The following SLCO4A1 variants were observed in gnomAD, a reference collection of about 807,000 sequenced individuals.
SLCO4A1 encodes the protein solute carrier organic anion transporter family member 4A1, also known as colon organic anion transporter.
A neutral mutation model predicts 64.6 loss-of-function variants in SLCO4A1; 51 were observed. The ratio of observed to expected loss-of-function variants is 0.79; its 90% CI spans 0.63 to 1.00. The LOEUF (loss-of-function observed/expected upper bound fraction) is 1.00, where lower values mean the gene tolerates loss of function less well. Among genes scored for constraint, SLCO4A1 ranks in the 50% least tolerant of loss-of-function variants. SLCO4A1 has a pLI of 0.00. For synonymous variants in SLCO4A1, 471 were observed against 444.9 expected (o/e 1.06, Z -0.74); for missense variants, 919 against 980.5 (o/e 0.94, Z 0.84).
At position 62,669,220 on chromosome 20, in the gene SLCO4A1, C is replaced by A. The variant is rs923227965; in HGVS notation, c.2025+142C>A. On this transcript the variant is annotated intron_variant, in intron 11 of 11. Transcript: ENST00000217159. ...CAGCCAGTTTGTAGAAGGCCCTTCCCACATTCCTCATGAGTTGGTTGTGGG... is the reference window on the plus strand; with the variant it reads ...CAGCCAGTTTGTAGAAGGCCCTTCCAACATTCCTCATGAGTTGGTTGTGGG... 16 of 831,422 alleles carry A rather than the reference C, an allele frequency of 1.9e-5. 1 individual carries two copies. The highest frequency in any genetic ancestry group is 1.5e-4 in the South Asian group (9 of 60,652). 51.5% of individuals were successfully genotyped at this position (831,422 alleles called of 1,614,324 possible).
chr20:62,680,570 T>G (rs1330123440), intron 2 of SLCO4A1, among the ~76,000 whole-genome samples: 5 of 27,008 alleles, frequency 1.9e-4, no homozygotes, highest in Admixed American at 3.2e-4. Context: ...TTGCTGATGG[T>G]TTTTTTTTTT....
chr20:62,690,151 C>T (rs544536355), downstream of SLCO4A1, among the ~76,000 whole-genome samples: 3 of 152,350 alleles, frequency 2.0e-5, no homozygotes, highest in East Asian at 3.9e-4. Flanking sequence ...TCCCTCGCAT[C>T]GGCCACCTCT....
At chr20:62,680,333 G>A (rs1987769880) in intron 2 of SLCO4A1, among the ~76,000 whole-genome samples, 1 of 152,120 alleles carries the variant, frequency 6.6e-6, no homozygotes, top group African/African-American at 2.4e-5. Flanking sequence ...CTTCCTCTCC[G>A]ACCTATATTC....
At position 62,667,749 on chromosome 20, in the gene SLCO4A1, C is replaced by T; in HGVS notation, c.1477C>T (p.Leu493=). The T allele has an allele frequency of 3.7e-6, 6 of 1,607,340 alleles. No homozygotes were observed. The highest frequency in any genetic ancestry group is 5.1e-6 in the Non-Finnish European group (6 of 1,176,942). Residue 493 remains leucine (L), a synonymous_variant, in exon 8 of 12, where the codon CTG becomes TTG. Transcript: ENST00000217159. ...GVTASYGGSL[L]PEGHLNLTAP... is the part of the protein sequence containing the mutation. Reference sequence around the variant, plus strand: ...TCGCTTGTCCCCCCTCTGCAGCCTCCTGCCCGAAGGCCACCTGAACCTAAC... The same window carrying T: ...TCGCTTGTCCCCCCTCTGCAGCCTCTTGCCCGAAGGCCACCTGAACCTAAC...
chr20:62,668,654 C>T, intron 10 of SLCO4A1, 113 bp downstream of exon 10: 1 of 1,083,232 alleles, frequency 9.2e-7, no homozygotes. Context: ...GAGGCTGTTC[C>T]CGCCTGGGAA....
At chr20:62,653,603 G>A (rs1246748655) in intron 1 of SLCO4A1, among the ~76,000 whole-genome samples, 2 of 152,132 alleles carry the variant, frequency 1.3e-5, no homozygotes, top group Non-Finnish European at 2.9e-5. Flanking sequence ...GCTCCCACCC[G>A]CCACGCTGAC....
chr20:62,685,221 G>T lies in SLCO4A1; in HGVS notation n.212-220G>T, dbSNP rs2147118617. Among the ~76,000 whole-genome samples, 1 of 150,466 alleles carries T rather than the reference G, an allele frequency of 6.6e-6. No individual in the cohort carries two copies. The highest frequency in any genetic ancestry group is 2.1e-4 in the South Asian group (1 of 4,730). On this transcript the variant is annotated intron_variant and non_coding_transcript_variant, in intron 2 of 2. Coordinates refer to the SLCO4A1 transcript ENST00000466818. This position sits in a 1 kb window ranked among gnomAD's most constrained non-coding sequence, Gnocchi z 4.6. ...TGCAGTGAAGCAGGCGGGCAGGGGAGGGTGGCAGCGGGGTGTGGGGGCAGG... is the reference window on the plus strand; with the variant it reads ...TGCAGTGAAGCAGGCGGGCAGGGGATGGTGGCAGCGGGGTGTGGGGGCAGG...
At chr20:62,653,274 G>A (rs966778250) in intron 1 of SLCO4A1, among the ~76,000 whole-genome samples, 1 of 152,134 alleles carries the variant, frequency 6.6e-6, no homozygotes, top group Non-Finnish European at 1.5e-5. Context: ...CAGCTTTGGG[G>A]GCTCAATCCT....
downstream of SLCO4A1, among the ~76,000 whole-genome samples, chr20:62,675,057 A>G (rs1016547008): frequency 3.9e-5 from 6 of 151,936 alleles, no homozygotes; most frequent in Admixed American, 1.3e-4. Context: ...CCCTGCCCCC[A>G]CCCTGGATGC....
chr20:62,679,738 T>G (rs566458821), intron 2 of SLCO4A1, among the ~76,000 whole-genome samples: 2 of 152,304 alleles, frequency 1.3e-5, no homozygotes, highest in South Asian at 4.1e-4. Flanking sequence ...TGTTTCTCAT[T>G]CCAAGATTCT....
intron 6 of SLCO4A1, 196 bp downstream of exon 6, chr20:62,665,284 T>G: frequency 1.7e-6 from 1 of 586,386 alleles, no homozygotes; most frequent in South Asian, 2.4e-5. Flanking sequence ...GTGGTGGTCC[T>G]GCCCTCTTTG....
intron 11 of SLCO4A1, among the ~76,000 whole-genome samples, chr20:62,671,506 G>C (rs796422558): frequency 4.6e-5 from 7 of 152,302 alleles, no homozygotes; most frequent in African/African-American, 1.7e-4. Context: ...CCCATGACAA[G>C]CCCCTCAGTC....
rs191944548 is a variant in SLCO4A1 at position 62,657,090 on chromosome 20, C to T, written c.636C>T (p.Pro212=). The change falls in exon 2 of 12, where the codon CCC becomes CCT. Residue 212 remains proline, a synonymous_variant. Transcript: ENST00000217159. ...DAGVRTCPAN[P]GAVCADSTSG... ...GTGTCAGGACGTGCCCTGCCAACCC[C>T]GGCGCGGTGTGTGCGGACAGCACCT... The T allele has an allele frequency of 4.1e-5, 66 of 1,600,700 alleles. No homozygotes were observed. Among genetic ancestry groups the T allele is most frequent in the African/African-American group, 6.7e-5 (5 of 74,918 alleles).
At chr20:62,677,399 CTG>C (rs1375278975) in intron 2 of SLCO4A1, among the ~76,000 whole-genome samples, 1 of 152,224 alleles carries the variant, frequency 6.6e-6, no homozygotes, top group Non-Finnish European at 1.5e-5. Context: ...GTTGGGGGAT[CTG>C]TGTCTGTTCC....
chr20:62,670,369 TAGC>T (rs1476665507), intron 11 of SLCO4A1: 4 of 152,274 alleles, frequency 2.6e-5, no homozygotes, highest in South Asian at 2.1e-4. Context: ...GTTGATCACT[TAGC>T]AGCCGGTGTG....
chr20:62,675,295 G>A (rs1987537034), downstream of SLCO4A1, among the ~76,000 whole-genome samples: 1 of 152,148 alleles, frequency 6.6e-6, no homozygotes. Flanking sequence ...TGATGGATGA[G>A]GCCACCAAGC....
Position 62,645,488 on chromosome 20 carries a change from C to T in SLCO4A1, c.-97+2935C>T, listed in dbSNP as rs1981145583. Among the ~76,000 whole-genome samples, 1 of 146,962 alleles carries T rather than the reference C, an allele frequency of 6.8e-6. No homozygotes were observed. The highest frequency in any genetic ancestry group is 2.5e-5 in the African/African-American group (1 of 39,956). ...GATGAGGGTGCGGGTGAGGACCCAC[C>T]CACACCCGCACCCTCACCCTCATCC... On this transcript the variant is annotated intron_variant, in intron 1 of 11. Transcript: ENST00000217159. This position sits in a 1 kb window ranked among gnomAD's most constrained non-coding sequence, Gnocchi z 4.2.
chr20:62,674,827 C>T (rs1987511853), downstream of SLCO4A1, among the ~76,000 whole-genome samples: 1 of 152,238 alleles, frequency 6.6e-6, no homozygotes, highest in South Asian at 2.1e-4. Flanking sequence ...CCTCTCTCCT[C>T]TATGTGCTGA....
At chr20:62,660,949 C>A in intron 4 of SLCO4A1, 115 bp from the exon 5 acceptor site, 1 of 716,152 alleles carries the variant, frequency 1.4e-6, no homozygotes, top group Non-Finnish European at 2.3e-6. Flanking sequence ...GGATGTCAGA[C>A]AGTGACGTTC....
Sources: allele counts gnomAD v4.1 joint callset (sites outside exome capture counted in the v4.1 genomes callset), GRCh38; gene constraint gnomAD v4.1.1; non-coding constraint Gnocchi (gnomAD v3.1); transcripts MANE v1.5; gene names NCBI Gene and HGNC (gene_info 2026-07-23, HGNC 2026-07-21).